The following TMEM132D variants were observed in gnomAD, a reference collection of about 807,000 sequenced individuals.
The protein encoded by TMEM132D is mature OL transmembrane protein.
A neutral mutation model predicts 62.3 loss-of-function variants in TMEM132D; 21 were observed. The observed-to-expected ratio is 0.34, with a 90% CI of 0.24 to 0.49. The LOEUF is 0.49. Among genes scored for constraint, TMEM132D ranks in the 20% least tolerant of loss-of-function variants. The pLI is 0.99. For synonymous variants in TMEM132D, 621 were observed against 575.6 expected, an observed-to-expected ratio of 1.08 and a Z score of -1.13; for missense variants, 1,346 against 1,402.8, an observed-to-expected ratio of 0.96 and a Z score of 0.65.
At chr12:129,524,910 A>ATTTCTTTTTCTTTTT (rs1875967524) in intron 3 of TMEM132D, among the ~76,000 whole-genome samples, 1 of 137,122 alleles carries the variant, frequency 7.3e-6, no homozygotes, top group East Asian at 2.2e-4. Flanking sequence ...TATTATTTTC[A>ATTTCTTTTTCTTTTT]TATTTTTTTC....
chr12:129,545,876 C>T (rs1876718104), intron 2 of TMEM132D, among the ~76,000 whole-genome samples: 1 of 152,174 alleles, frequency 6.6e-6, no homozygotes, highest in African/African-American at 2.4e-5. Context: ...AAAACCGTCT[C>T]TCGGAGCTGT....
chr12:129,392,409 G>A (rs1871312729), intron 3 of TMEM132D, among the ~76,000 whole-genome samples: 1 of 152,128 alleles, frequency 6.6e-6, no homozygotes, highest in African/African-American at 2.4e-5. Flanking sequence ...CAAGACTGGG[G>A]GAATCAGAGT....
Position 129,524,914 on chromosome 12 carries a change from T to C in TMEM132D, c.1115+6145A>G, listed in dbSNP as rs191656903. The stretch of plus-strand genomic sequence containing the variant: ...GAAAAACATTTTATTATTTTCATAT[T>C]TTTTTCTTTTTTCTTTTTTTTTTTT... On this transcript the variant is annotated intron_variant, in intron 3 of 8. Transcript: ENST00000422113. Among the ~76,000 whole-genome samples, 421 of 89,778 alleles carry C rather than the reference T, an allele frequency of 4.7e-3. 21 individuals are homozygous for C. In the South Asian group the frequency reaches 0.11, roughly 23 times the overall value. The allele number at this position is 89,778 out of a possible 152,430, so 58.9% of individuals were successfully genotyped here. A position where few individuals can be genotyped will look rare whatever the true frequency, so the allele number is the denominator to read the frequency against.
In TMEM132D at chr12:129,727,202, C is replaced by T. The variant is rs116272144; in HGVS notation, c.80-26504G>A. Among the ~76,000 whole-genome samples, 1,500 of 152,292 alleles carry T rather than the reference C, an allele frequency of 9.8e-3. 31 individuals carry two copies. The highest frequency in any genetic ancestry group is 0.034 in the African/African-American group (1,396 of 41,534). Reference sequence around the variant, plus strand: ...TGCTGCTATAATAGAATACCATACACTGGGAATCTGTAAGAATAGAAGTTT... The same window carrying T: ...TGCTGCTATAATAGAATACCATACATTGGGAATCTGTAAGAATAGAAGTTT... On this transcript the variant is annotated intron_variant, in intron 1 of 8. Transcript: ENST00000422113.
At chr12:129,895,066 CCTGGG>C (rs1875060946) in intron 1 of TMEM132D, among the ~76,000 whole-genome samples, 1 of 152,150 alleles carries the variant, frequency 6.6e-6, no homozygotes, top group Non-Finnish European at 1.5e-5. Context: ...CAAATGTTCA[CCTGGG>C]CAGGGCTGGG....
At chr12:129,343,891 C>T (rs1272133906) in intron 3 of TMEM132D, among the ~76,000 whole-genome samples, 2 of 152,120 alleles carry the variant, frequency 1.3e-5, no homozygotes, top group East Asian at 1.9e-4. Context: ...AGATCATGAT[C>T]GTGCCACTGC....
chr12:129,189,760 A>C (rs1878330297), intron 5 of TMEM132D, among the ~76,000 whole-genome samples: 1 of 152,118 alleles, frequency 6.6e-6, no homozygotes, highest in Admixed American at 6.5e-5. Context: ...GGATATTATT[A>C]AGGGAGTCTG....
intron 2 of TMEM132D, among the ~76,000 whole-genome samples, chr12:129,532,945 T>A (rs148789986): frequency 3.8e-4 from 58 of 152,288 alleles, no homozygotes; most frequent in Non-Finnish European, 6.2e-4. Context: ...CTGCGGACCA[T>A]GCTTTGCTTT....
intron 8 of TMEM132D, among the ~76,000 whole-genome samples, chr12:129,075,763 A>G (rs1449939936): frequency 6.6e-6 from 1 of 152,266 alleles, no homozygotes; most frequent in Non-Finnish European, 1.5e-5. Flanking sequence ...ACCAAAAAGC[A>G]GCCAGAGCTT....
At position 129,760,454 on chromosome 12, in the gene TMEM132D, C is replaced by G. The variant is rs372346646; in HGVS notation, c.80-59756G>C. On this transcript the variant is annotated intron_variant, in intron 1 of 8. Transcript: ENST00000422113. ...TCACGCCACTCTCCTTCCTCAGCCT[C>G]CTGAGTAGCTGGGACTACAGGCCCC... Among the ~76,000 whole-genome samples, 272 of 149,590 alleles carry G rather than the reference C, an allele frequency of 1.8e-3. 3 individuals are homozygous for G. The highest frequency in any genetic ancestry group is 6.1e-3 in the African/African-American group (250 of 41,030).
intron 4 of TMEM132D, among the ~76,000 whole-genome samples, chr12:129,240,711 G>A (rs188469043): frequency 1.3e-5 from 2 of 152,292 alleles, no homozygotes; most frequent in African/African-American, 4.8e-5. Context: ...GCGCTGGAAC[G>A]TGTTCATACT....
chr12:129,115,750 G>A (rs549464517), intron 5 of TMEM132D, among the ~76,000 whole-genome samples: 2 of 152,112 alleles, frequency 1.3e-5, no homozygotes, highest in Non-Finnish European at 2.9e-5. Context: ...TAAAGCATAC[G>A]TCACAAACTC....
chr12:129,652,580 TGGGTTTTA>T (rs1879958953), intron 2 of TMEM132D, among the ~76,000 whole-genome samples: 1 of 152,190 alleles, frequency 6.6e-6, no homozygotes, highest in African/African-American at 2.4e-5. Context: ...GCCACCCTGC[TGGGTTTTA>T]GGATGCAGGA....
intron 2 of TMEM132D, among the ~76,000 whole-genome samples, chr12:129,679,969 T>C (rs867072137): frequency 1.3e-5 from 2 of 152,220 alleles, no homozygotes; most frequent in African/African-American, 2.4e-5. Context: ...AGAATTTCTT[T>C]TTATGCTGGT....
At chr12:129,209,426 G>T in intron 5 of TMEM132D, 94 bp downstream of exon 5, 1 of 1,482,446 alleles carries the variant, frequency 6.7e-7, no homozygotes, top group Non-Finnish European at 9.2e-7. Flanking sequence ...GGGACCCAGA[G>T]GTCCCAGAGG....
chr12:129,630,459 T>C (rs2137166644), intron 2 of TMEM132D, among the ~76,000 whole-genome samples: 1 of 152,180 alleles, frequency 6.6e-6, no homozygotes, highest in South Asian at 2.1e-4. Context: ...ACAAAAAGGA[T>C]TGGTGGTTTT....
At chr12:129,788,542 A>C (rs555079848) in intron 1 of TMEM132D, among the ~76,000 whole-genome samples, 1 of 152,362 alleles carries the variant, frequency 6.6e-6, no homozygotes, top group East Asian at 1.9e-4. Flanking sequence ...CTGAAAGTAG[A>C]AGAAAAATCA....
chr12:129,517,717 G>A (rs552011442), intron 3 of TMEM132D, among the ~76,000 whole-genome samples: 2 of 152,296 alleles, frequency 1.3e-5, no homozygotes, highest in Non-Finnish European at 2.9e-5. Flanking sequence ...TCCTGCCTGA[G>A]GTTTCTGATA....
At chr12:129,227,005 T>G (rs1879497734) in intron 4 of TMEM132D, among the ~76,000 whole-genome samples, 1 of 152,120 alleles carries the variant, frequency 6.6e-6, no homozygotes, top group Admixed American at 6.6e-5. Context: ...AGTTTCAGAA[T>G]TAAGAAGCTA....
Sources: gnomAD v4.1 joint callset for allele counts (sites outside exome capture counted in the v4.1 genomes callset) on GRCh38, gnomAD v4.1.1 for gene constraint, MANE v1.5 for transcripts, NCBI Gene and HGNC (gene_info 2026-07-23, HGNC 2026-07-21) for gene names.